Variants in KCNK3 observed in about 807,000 individuals in gnomAD.
KCNK3 encodes potassium channel subfamily K member 3.
KCNK3 carries 9 observed loss-of-function variants against 27.3 expected under a neutral mutation model. The observed-to-expected ratio is 0.33, with a 90% confidence interval of 0.20 to 0.57. The LOEUF is 0.57. KCNK3 is among the 20% of genes least tolerant of loss of function. The pLI is 0.87. For missense variants in KCNK3, 391 were observed against 577.7 expected (o/e 0.68, Z 3.31); for synonymous variants, 278 against 273.8 (o/e 1.02, Z -0.15).
chr2:26,713,303 G>A (rs879715957), intron 1 of KCNK3, among the ~76,000 whole-genome samples: 1 of 152,196 alleles, frequency 6.6e-6, no homozygotes, highest in Admixed American at 6.5e-5. Context: ...CAGAGGCGAG[G>A]CATGGGACAG....
In KCNK3 at chr2:26,693,225, G is replaced by T; in HGVS notation, c.283+67G>T. 1 of 1,021,628 alleles carries T rather than the reference G, an allele frequency of 9.8e-7. No homozygotes were observed. 63.3% of individuals were successfully genotyped at this position (1,021,628 alleles called of 1,614,324 possible). A position where few individuals can be genotyped will look rare whatever the true frequency, so the allele number is the denominator to read the frequency against. On this transcript the variant is annotated intron_variant, in intron 1 of 1. Transcript: ENST00000302909. The surrounding 1 kb of genome is among the most constrained non-coding windows in gnomAD (Gnocchi z 5.5). Reference sequence around the variant, plus strand: ...CGCGGGGCTCCGGGAGTCGTCCGGGGCCGGCTGGGGCTGGGGGCGGGGGCT... The same window carrying T: ...CGCGGGGCTCCGGGAGTCGTCCGGGTCCGGCTGGGGCTGGGGGCGGGGGCT...
At chr2:26,720,415 G>A (rs1039135144) in intron 1 of KCNK3, among the ~76,000 whole-genome samples, 9 of 152,216 alleles carry the variant, frequency 5.9e-5, no homozygotes, top group Admixed American at 4.6e-4. Flanking sequence ...GGGCCAGAAG[G>A]AGCTGGCCAG....
rs543371252 is a variant in KCNK3 at position 26,728,436 on chromosome 2, C to G, written c.1053C>G (p.Gly351=). ...EQSHSSPGGG[G]RYSDTPSRRC... ...GCCACTCGTCGCCGGGAGGGGGCGG[C>G]CGCTACAGCGACACGCCCTCGCGAC... The change falls in exon 2 of 2, where the codon GGC becomes GGG. Residue 351 remains glycine (G), a synonymous_variant. Coordinates refer to ENST00000302909, the MANE Select transcript of KCNK3 (RefSeq NM_002246.3). The G allele has an allele frequency of 6.3e-7, 1 of 1,589,516 alleles. No homozygotes were observed. Among genetic ancestry groups the G allele is most frequent in the Non-Finnish European group, 8.6e-7 (1 of 1,164,940 alleles).
At position 26,728,723 on chromosome 2, in the gene KCNK3, G is replaced by A; in HGVS notation, c.*155G>A. The stretch of plus-strand genomic sequence containing the variant: ...CCCCCATCTCCGACTGTGCCTGCTT[G>A]CACCAGCCGGCAGGAGGCCGGGCTC... On this transcript the variant is annotated 3_prime_UTR_variant, in exon 2 of 2. Coordinates refer to ENST00000302909, the MANE Select transcript of KCNK3 (RefSeq NM_002246.3). 1.6e-6 allele frequency: 1 copy of A among 616,434 alleles called. No individual in the cohort carries two copies. Among genetic ancestry groups the A allele is most frequent in the Non-Finnish European group, 2.4e-6 (1 of 417,046 alleles). The allele number at this position is 616,434 out of a possible 1,614,324, so 38.2% of individuals were successfully genotyped here. A position where few individuals can be genotyped will look rare whatever the true frequency, so the allele number is the denominator to read the frequency against.
chr2:26,704,352 C>T (rs1175995600), intron 1 of KCNK3, among the ~76,000 whole-genome samples: 1 of 152,114 alleles, frequency 6.6e-6, no homozygotes, highest in Non-Finnish European at 1.5e-5. Context: ...TGCTCTCAGA[C>T]CCCTTTTCTC....
rs1663485547 is a variant in KCNK3, at chr2:26,728,947, C to G, written c.*379C>G. The G allele has an allele frequency of 5.2e-6, 1 of 194,016 alleles. No individual in the cohort carries two copies. The highest frequency in any genetic ancestry group is 6.1e-5 in the Admixed American group (1 of 16,436). The allele number at this position is 194,016 out of a possible 1,614,324, so 12.0% of individuals were successfully genotyped here. The stretch of plus-strand genomic sequence containing the variant: ...TCATGTTCCGTGTACGTTTGCATCT[C>G]TATTTATACCTCTGTCCTGCTAGGT... On this transcript the variant is annotated 3_prime_UTR_variant, in exon 2 of 2. Coordinates refer to ENST00000302909, the MANE Select transcript of KCNK3 (RefSeq NM_002246.3).
intron 1 of KCNK3, among the ~76,000 whole-genome samples, chr2:26,695,160 C>A (rs892606121): frequency 4.6e-5 from 7 of 152,212 alleles, no homozygotes; most frequent in Non-Finnish European, 8.8e-5. Flanking sequence ...GCCAACCTGT[C>A]CTCTGAGAAT....
intron 1 of KCNK3, among the ~76,000 whole-genome samples, chr2:26,694,131 T>C (rs1358036431): frequency 2.0e-5 from 3 of 152,260 alleles, no homozygotes; most frequent in Middle Eastern, 3.4e-3. Flanking sequence ...GCTCCATCAC[T>C]ACCGTGATAT....
chr2:26,694,436 G>C (rs915257511), intron 1 of KCNK3, among the ~76,000 whole-genome samples: 1 of 152,198 alleles, frequency 6.6e-6, no homozygotes, highest in Non-Finnish European at 1.5e-5. Flanking sequence ...GTCAACAGGA[G>C]CTGAGGGAGT....
At chr2:26,694,857 G>A (rs574097422) in intron 1 of KCNK3, among the ~76,000 whole-genome samples, 19 of 152,118 alleles carry the variant, frequency 1.2e-4, no homozygotes, top group African/African-American at 4.1e-4. Flanking sequence ...AAGCCTTCAC[G>A]CGTGTCCCCT....
At chr2:26,696,125 G>T (rs62129549) in intron 1 of KCNK3, among the ~76,000 whole-genome samples, 1 of 152,222 alleles carries the variant, frequency 6.6e-6, no homozygotes, top group Non-Finnish European at 1.5e-5. Context: ...GAGATACCGG[G>T]TGTCCCATTG....
intron 1 of KCNK3, among the ~76,000 whole-genome samples, chr2:26,720,603 T>C (rs955581484): frequency 6.6e-6 from 1 of 151,970 alleles, no homozygotes; most frequent in Non-Finnish European, 1.5e-5. Context: ...CCAAGATCAG[T>C]ACTAGGGCCA....
rs186473685 is a variant in KCNK3 at position 26,702,734 on chromosome 2, A to C, written c.283+9576A>C. 1.1e-3 allele frequency among the ~76,000 whole-genome samples: 172 copies of C among 152,270 alleles called. 3 individuals carry two copies. The highest frequency in any genetic ancestry group is 8.2e-3 in the Admixed American group (125 of 15,296). ...CAGAAGCAGAACTGGTAGGAGATAC[A>C]TATTAAGAGATGTGTTGCAAGGAAT... On this transcript the variant is annotated intron_variant, in intron 1 of 1. Coordinates refer to ENST00000302909, the MANE Select transcript of KCNK3 (RefSeq NM_002246.3).
rs1274842559 is a variant in KCNK3 at position 26,728,348 on chromosome 2, A to T, written c.965A>T (p.Gln322Leu). The T allele has an allele frequency of 6.2e-7, 1 of 1,606,460 alleles. No homozygotes were observed. The highest frequency in any genetic ancestry group is 1.7e-5 in the Admixed American group (1 of 59,318). Residue 322 changes from glutamine to leucine, a missense_variant, in exon 2 of 2, where the codon CAG (glutamine) becomes CTG (leucine). Physicochemically the swap from Gln to Leu is moderately radical, Grantham distance 113. Coordinates refer to ENST00000302909, the MANE Select transcript of KCNK3 (RefSeq NM_002246.3). Reference sequence around the variant, plus strand: ...TGGTACAAGAGCCGCGAGAAGCTGCAGTACTCCATCCCCATGATCATCCCG... The same window carrying T: ...TGGTACAAGAGCCGCGAGAAGCTGCTGTACTCCATCCCCATGATCATCCCG... ...CLWYKSREKL[Q>L]YSIPMIIPRD...
chr2:26,709,867 C>A (rs1005136371), intron 1 of KCNK3, among the ~76,000 whole-genome samples: 1 of 152,324 alleles, frequency 6.6e-6, no homozygotes, highest in East Asian at 1.9e-4. Context: ...CCAAAGCCCC[C>A]GCTCTTCCTC....
chr2:26,702,579 A>G (rs1057413555), intron 1 of KCNK3, among the ~76,000 whole-genome samples: 1 of 152,186 alleles, frequency 6.6e-6, no homozygotes, highest in African/African-American at 2.4e-5. Context: ...AGAACTTGTT[A>G]AAATTGAAGC....
chr2:26,728,637 C>A lies in KCNK3; in HGVS notation c.*69C>A. The A allele has an allele frequency of 7.6e-7, 1 of 1,311,274 alleles. No individual in the cohort carries two copies. Among genetic ancestry groups the A allele is most frequent in the Non-Finnish European group, 1.0e-6 (1 of 1,002,648 alleles). 81.2% of individuals were successfully genotyped at this position (1,311,274 alleles called of 1,614,324 possible). On this transcript the variant is annotated 3_prime_UTR_variant, in exon 2 of 2. Coordinates refer to ENST00000302909, the MANE Select transcript of KCNK3 (RefSeq NM_002246.3). Reference sequence around the variant, plus strand: ...CCCCTGCTGGGAGGCCAGGAGACTGCCCCTGCTGCCTTCTGCCCAGTGGGA... The same window carrying A: ...CCCCTGCTGGGAGGCCAGGAGACTGACCCTGCTGCCTTCTGCCCAGTGGGA...
chr2:26,724,621 G>T, intron 1 of KCNK3: 1 of 985,234 alleles, frequency 1.0e-6, no homozygotes, highest in Non-Finnish European at 1.2e-6. Context: ...AGCCCTGGGG[G>T]CATGTGACCC....
chr2:26,700,757 T>G (rs1214969297), intron 1 of KCNK3, among the ~76,000 whole-genome samples: 2 of 152,102 alleles, frequency 1.3e-5, no homozygotes, highest in Non-Finnish European at 1.5e-5. Flanking sequence ...ACCATCATCA[T>G]CATCATCACC....
Sources: allele counts gnomAD v4.1 joint callset (sites outside exome capture counted in the v4.1 genomes callset), GRCh38; gene constraint gnomAD v4.1.1; non-coding constraint Gnocchi (gnomAD v3.1); transcripts MANE v1.5; gene names NCBI Gene and HGNC (gene_info 2026-07-23, HGNC 2026-07-21).